SIPA1L1: variants seen among roughly 807,000 people sequenced by gnomAD.
SIPA1L1 encodes the protein signal induced proliferation associated 1 like 1, also known as signal-induced proliferation-associated 1-like protein 1.
SIPA1L1 carries 26 observed loss-of-function variants against 162.7 expected under a neutral mutation model. The observed-to-expected ratio is 0.16, with a 90% CI of 0.12 to 0.22. SIPA1L1 has a LOEUF of 0.22. SIPA1L1 is among the 10% of genes least tolerant of loss of function. The pLI is 1.00. For missense variants in SIPA1L1, 1,874 were observed against 2,241.0 expected, an observed-to-expected ratio of 0.84 and a Z score of 3.31; for synonymous variants, 829 against 837.4, an observed-to-expected ratio of 0.99 and a Z score of 0.17.
intron 2 of SIPA1L1, among the ~76,000 whole-genome samples, chr14:71,461,836 C>A (rs1049281606): frequency 1.3e-5 from 2 of 152,152 alleles, no homozygotes; most frequent in Non-Finnish European, 2.9e-5. Flanking sequence ...GCCTGCATAT[C>A]GTGCAGAACC....
chr14:71,648,668 C>T (rs2042373646), intron 7 of SIPA1L1, among the ~76,000 whole-genome samples: 1 of 152,206 alleles, frequency 6.6e-6, no homozygotes, highest in Non-Finnish European at 1.5e-5. Flanking sequence ...CATGAATATT[C>T]ACACAAAGAT....
At chr14:71,327,278 T>G (rs556697694) in intron 2 of SIPA1L1, among the ~76,000 whole-genome samples, 1 of 151,914 alleles carries the variant, frequency 6.6e-6, no homozygotes, top group Non-Finnish European at 1.5e-5. Context: ...GAGATGGGGT[T>G]TCACCATATT....
chr14:71,473,658 T>C (rs978499571), intron 2 of SIPA1L1, among the ~76,000 whole-genome samples: 2 of 152,246 alleles, frequency 1.3e-5, no homozygotes, highest in African/African-American at 4.8e-5. Flanking sequence ...GAGATGTAAG[T>C]CTGTCTTCGA....
Position 71,739,137 on chromosome 14 carries a change from C to G in SIPA1L1, c.5328C>G (p.Val1776=). ...AGCTGAAGAAGTTCACAGAATGGGT[C>G]TTCAACACCATAGACATGAGCTAGG... ...SDKLKKFTEW[V]FNTIDMS is the part of the protein sequence containing the mutation. The change falls in exon 24 of 24, where the codon GTC becomes GTG. Residue 1776 remains valine, a synonymous_variant. Coordinates refer to ENST00000381232, the MANE Select transcript of SIPA1L1 (RefSeq NM_001386936.1). 6.2e-7 allele frequency: 1 copy of G among 1,613,740 alleles called. No homozygotes were observed. Among genetic ancestry groups the G allele is most frequent in the South Asian group, 1.1e-5 (1 of 91,028 alleles).
At chr14:71,393,803 A>G (rs1331620111) in intron 2 of SIPA1L1, among the ~76,000 whole-genome samples, 1 of 152,204 alleles carries the variant, frequency 6.6e-6, no homozygotes, top group East Asian at 1.9e-4. Context: ...CCTGGGTGAT[A>G]CAGCAAGACC....
At chr14:71,414,446 T>A (rs2042618251) in intron 2 of SIPA1L1, among the ~76,000 whole-genome samples, 1 of 152,222 alleles carries the variant, frequency 6.6e-6, no homozygotes, top group South Asian at 2.1e-4. Context: ...TTTTGATTTA[T>A]CAAATGTCCG....
chr14:71,629,173 G>A (rs1259586363), intron 7 of SIPA1L1, among the ~76,000 whole-genome samples: 2 of 152,164 alleles, frequency 1.3e-5, no homozygotes, highest in Non-Finnish European at 2.9e-5. Context: ...TCCTGACCTC[G>A]TGGTCCGCCT....
At chr14:71,452,351 T>G (rs190464356) in intron 2 of SIPA1L1, among the ~76,000 whole-genome samples, 1 of 152,210 alleles carries the variant, frequency 6.6e-6, no homozygotes, top group Non-Finnish European at 1.5e-5. Flanking sequence ...GTATACACAT[T>G]TTCGTATATA....
chr14:71,667,022 A>G (rs894710366), intron 10 of SIPA1L1, among the ~76,000 whole-genome samples: 10 of 152,166 alleles, frequency 6.6e-5, no homozygotes, highest in African/African-American at 2.4e-4. Flanking sequence ...CCTTTCTAAG[A>G]CAAGAATCTG....
chr14:71,408,722 G>C (rs1417445611), intron 2 of SIPA1L1, among the ~76,000 whole-genome samples: 1 of 152,186 alleles, frequency 6.6e-6, no homozygotes, highest in Admixed American at 6.5e-5. Context: ...TAGAAGTACA[G>C]TAGGAATCTC....
intron 5 of SIPA1L1, among the ~76,000 whole-genome samples, chr14:71,617,947 G>A (rs1350167647): frequency 1.3e-5 from 2 of 152,168 alleles, no homozygotes; most frequent in African/African-American, 2.4e-5. Flanking sequence ...TTTAAAAGAT[G>A]TATATGCACA....
intron 4 of SIPA1L1, among the ~76,000 whole-genome samples, chr14:71,544,199 A>G (rs1215107793): frequency 6.9e-6 from 1 of 145,578 alleles, no homozygotes; most frequent in East Asian, 1.9e-4. Flanking sequence ...ATACATATGC[A>G]TGTATGCACA....
chr14:71,577,731 T>C (rs1315822864), intron 4 of SIPA1L1, among the ~76,000 whole-genome samples: 1 of 7,212 alleles, frequency 1.4e-4, no homozygotes, highest in Non-Finnish European at 2.2e-4. Flanking sequence ...TGGGCATGCC[T>C]TTTTTTTTTT....
intron 22 of SIPA1L1, among the ~76,000 whole-genome samples, chr14:71,736,274 G>A (rs1249642551): frequency 6.6e-6 from 1 of 152,206 alleles, no homozygotes; most frequent in Non-Finnish European, 1.5e-5. Context: ...GTGCACACCT[G>A]TAGTCCTAGC....
intron 4 of SIPA1L1, among the ~76,000 whole-genome samples, chr14:71,566,383 C>T (rs764056707): frequency 2.8e-4 from 42 of 152,198 alleles, no homozygotes; most frequent in Middle Eastern, 3.4e-3. Context: ...AATTCAAAAA[C>T]GAAACAGCAG....
chr14:71,345,991 T>C (rs914628898), intron 2 of SIPA1L1, among the ~76,000 whole-genome samples: 2 of 151,970 alleles, frequency 1.3e-5, no homozygotes, highest in Admixed American at 1.3e-4. Flanking sequence ...CACTGCAGCC[T>C]CCGCTTCCCG....
At chr14:71,602,611 T>C (rs554501792) in intron 5 of SIPA1L1, among the ~76,000 whole-genome samples, 1 of 152,250 alleles carries the variant, frequency 6.6e-6, no homozygotes, top group Non-Finnish European at 1.5e-5. Flanking sequence ...CAGTGTTTCT[T>C]TATTGATTTT....
intron 17 of SIPA1L1, among the ~76,000 whole-genome samples, chr14:71,712,102 C>A (rs1001974789): frequency 5.9e-5 from 9 of 152,184 alleles, no homozygotes; most frequent in Non-Finnish European, 1.3e-4. Context: ...CCTCAGAAGA[C>A]AGGAACAGCA....
At chr14:71,494,586 A>G (rs1229638373) in intron 2 of SIPA1L1, among the ~76,000 whole-genome samples, 6 of 146,614 alleles carry the variant, frequency 4.1e-5, no homozygotes. Context: ...GAGTGCAGTG[A>G]TATGATCTTG....
Sources: gnomAD v4.1 joint callset for allele counts (sites outside exome capture counted in the v4.1 genomes callset) on GRCh38, gnomAD v4.1.1 for gene constraint, MANE v1.5 for transcripts, NCBI Gene and HGNC (gene_info 2026-07-23, HGNC 2026-07-21) for gene names.